The following GRAMD4 variants were observed in gnomAD, a reference collection of about 807,000 sequenced individuals.
GRAMD4 encodes the protein GRAM domain containing 4.
A neutral mutation model predicts 83.9 loss-of-function variants in GRAMD4; 25 were observed. The observed-to-expected ratio is 0.30, with a 90% CI of 0.22 to 0.42. GRAMD4 has a LOEUF of 0.42. Among genes scored for constraint, GRAMD4 ranks in the 10% least tolerant of loss-of-function variants. The probability of loss-of-function intolerance (pLI) is 1.00; values close to 1 mark genes in which losing one functional copy is unlikely to be tolerated. For missense variants in GRAMD4, 593 were observed against 788.7 expected (o/e 0.75, Z 2.97); for synonymous variants, 336 against 320.9 (o/e 1.05, Z -0.50).
chr22:46,645,966 G>A (rs930605369), intron 3 of GRAMD4, among the ~76,000 whole-genome samples: 6 of 152,182 alleles, frequency 3.9e-5, no homozygotes, highest in Non-Finnish European at 5.9e-5. Context: ...CTACCCAAGA[G>A]CACTGTGATG....
At chr22:46,580,205 G>T (rs114926631) in intron 1 of GRAMD4, among the ~76,000 whole-genome samples, 1 of 152,254 alleles carries the variant, frequency 6.6e-6, no homozygotes, top group Non-Finnish European at 1.5e-5. Context: ...CAGGCAGAAG[G>T]CAGAGGGTGC....
chr22:46,631,245 G>GCCACCT (rs535882584), intron 2 of GRAMD4, among the ~76,000 whole-genome samples: 11 of 152,218 alleles, frequency 7.2e-5, no homozygotes, highest in South Asian at 4.1e-4. Flanking sequence ...TGCCACCATC[G>GCCACCT]CCACCTCCAC....
chr22:46,627,416 C>A (rs1007898897), intron 2 of GRAMD4, among the ~76,000 whole-genome samples: 1 of 152,276 alleles, frequency 6.6e-6, no homozygotes, highest in Non-Finnish European at 1.5e-5. Flanking sequence ...GGAATCAGGG[C>A]TGGGCTTGTG....
intron 2 of GRAMD4, among the ~76,000 whole-genome samples, chr22:46,637,213 G>C (rs557106352): frequency 7.2e-5 from 11 of 152,030 alleles, no homozygotes; most frequent in Admixed American, 1.3e-4. Flanking sequence ...GAGGAGATCA[G>C]GATCACAACC....
rs2081361996 is a variant in GRAMD4, at chr22:46,605,952, A to AGCATCTCTGCATGGGCTTC, written c.-49-20799_-49-20798insGCATCTCTGCATGGGCTTC. Among the ~76,000 whole-genome samples the AGCATCTCTGCATGGGCTTC allele has an allele frequency of 3.8e-3, 307 of 81,108 alleles. 7 individuals are homozygous for AGCATCTCTGCATGGGCTTC. Among genetic ancestry groups the AGCATCTCTGCATGGGCTTC allele is most frequent in the African/African-American group, 0.012 (300 of 24,130 alleles). The allele number at this position is 81,108 out of a possible 152,430, so 53.2% of individuals were successfully genotyped here. On this transcript the variant is annotated intron_variant, in intron 1 of 1. Coordinates refer to the GRAMD4 transcript ENST00000431155. ...GTGCTGAGCATGTCTGCATGGGCTT[A>AGCATCTCTGCATGGGCTTC]TGGCTGGTGCTGAGCATCTCTGCAT... is the stretch of plus-strand genomic sequence containing the variant.
chr22:46,579,260 G>C (rs1474941625), intron 1 of GRAMD4, among the ~76,000 whole-genome samples: 1 of 152,180 alleles, frequency 6.6e-6, no homozygotes, highest in Non-Finnish European at 1.5e-5. Flanking sequence ...CTTCCCCTTA[G>C]TACCCTCCTC....
intron 14 of GRAMD4, 79 bp from the exon 15 acceptor site, chr22:46,673,591 G>GGT: frequency 6.6e-7 from 1 of 1,511,080 alleles, no homozygotes. Context: ...CTTTTGGGGA[G>GGT]GTGTGTGTGC....
At chr22:46,623,054 A>G (rs1397079052) in intron 1 of GRAMD4, among the ~76,000 whole-genome samples, 1 of 152,152 alleles carries the variant, frequency 6.6e-6, no homozygotes, top group Non-Finnish European at 1.5e-5. Context: ...CGACCACCGT[A>G]AGCCCATACT....
chr22:46,617,471 G>A (rs2081519804), upstream of GRAMD4, among the ~76,000 whole-genome samples: 1 of 151,698 alleles, frequency 6.6e-6, no homozygotes. Context: ...TCCCCTGTGT[G>A]TAGGTTCCCC....
At chr22:46,594,686 T>TG (rs2081243767) in intron 1 of GRAMD4, among the ~76,000 whole-genome samples, 1 of 149,954 alleles carries the variant, frequency 6.7e-6, no homozygotes, top group South Asian at 2.1e-4. Flanking sequence ...TGTCCTGCCC[T>TG]GGGGGGCTAG....
intron 9 of GRAMD4, 66 bp downstream of exon 9, chr22:46,665,772 G>A (rs948272178): frequency 1.9e-4 from 174 of 894,290 alleles, no homozygotes; most frequent in South Asian, 3.4e-4. Flanking sequence ...GTCTCCCTGC[G>A]TCTCACAACC....
At chr22:46,668,628 G>A (rs777801143) in intron 11 of GRAMD4, 61 bp from the exon 12 acceptor site, 18 of 1,495,914 alleles carry the variant, frequency 1.2e-5, no homozygotes, top group Non-Finnish European at 1.5e-5. Context: ...TCCTGGCGTC[G>A]CGGTGTGACT....
intron 3 of GRAMD4, among the ~76,000 whole-genome samples, chr22:46,643,214 TTTATCCATCC>T (rs2082013296): frequency 7.1e-6 from 1 of 140,008 alleles, no homozygotes; most frequent in African/African-American, 2.7e-5. Flanking sequence ...TATCCATCCA[TTTATCCATCC>T]CTGGATCCAT....
intron 1 of GRAMD4, among the ~76,000 whole-genome samples, chr22:46,624,895 C>T (rs1302582888): frequency 7.0e-6 from 1 of 143,194 alleles, no homozygotes. Context: ...GAGTCTCGCT[C>T]TGTCACCCAG....
At chr22:46,669,443 G>A (rs957267577) in intron 13 of GRAMD4, among the ~76,000 whole-genome samples, 4 of 152,092 alleles carry the variant, frequency 2.6e-5, no homozygotes, top group African/African-American at 7.2e-5. Flanking sequence ...GGGTGTGGTG[G>A]CCCCCCCTCA....
At chr22:46,616,032 C>T (rs1321155721), upstream of GRAMD4, among the ~76,000 whole-genome samples, 2 of 31,222 alleles carry the variant, frequency 6.4e-5, 1 homozygote, top group Non-Finnish European at 1.4e-4. Flanking sequence ...GTTGGTTCCC[C>T]CATGTGTAGG....
intron 2 of GRAMD4, among the ~76,000 whole-genome samples, chr22:46,633,132 G>A (rs1179210453): frequency 6.6e-6 from 1 of 152,206 alleles, no homozygotes; most frequent in Non-Finnish European, 1.5e-5. Context: ...AGGGTGGCAC[G>A]GTCCAACTGT....
At chr22:46,625,430 C>T (rs2081643108) in intron 1 of GRAMD4, among the ~76,000 whole-genome samples, 2 of 152,240 alleles carry the variant, frequency 1.3e-5, no homozygotes, top group African/African-American at 2.4e-5. Flanking sequence ...ATGCTGCCCG[C>T]CCCAAGCAGG....
chr22:46,681,035 A>G (rs2082668239), downstream of GRAMD4, among the ~76,000 whole-genome samples: 1 of 147,594 alleles, frequency 6.8e-6, no homozygotes, highest in African/African-American at 2.5e-5. Flanking sequence ...TCCCAGGAAC[A>G]CATCCATGCT....
Sources: gnomAD v4.1 joint callset for allele counts (sites outside exome capture counted in the v4.1 genomes callset) on GRCh38, gnomAD v4.1.1 for gene constraint, MANE v1.5 for transcripts, NCBI Gene and HGNC (gene_info 2026-07-23, HGNC 2026-07-21) for gene names.